The following CDH6 variants were observed in gnomAD, a reference collection of about 807,000 sequenced individuals.
CDH6 encodes cadherin 6, also known as cadherin-6.
CDH6 carries 31 observed loss-of-function variants against 78.0 expected under a neutral mutation model. That is an observed-to-expected ratio of 0.40 (90% CI 0.30 to 0.54). The LOEUF (loss-of-function observed/expected upper bound fraction) is 0.54. Among genes scored for constraint, CDH6 ranks in the 20% least tolerant of loss-of-function variants. The pLI is 0.56. For synonymous variants in CDH6, 376 were observed against 368.8 expected, an observed-to-expected ratio of 1.02 and a Z score of -0.23; for missense variants, 724 against 975.9, an observed-to-expected ratio of 0.74 and a Z score of 3.44.
At chr5:31,292,915 G>A (rs1258064350) in intron 2 of CDH6, among the ~76,000 whole-genome samples, 1 of 147,922 alleles carries the variant, frequency 6.8e-6, no homozygotes, top group Non-Finnish European at 1.5e-5. Flanking sequence ...CCTATAGTTA[G>A]GTCTAGGTAC....
intron 2 of CDH6, among the ~76,000 whole-genome samples, chr5:31,290,031 C>G (rs1743114074): frequency 6.6e-6 from 1 of 151,796 alleles, no homozygotes; most frequent in Admixed American, 6.6e-5. Flanking sequence ...CCAAGGCGGA[C>G]AGATCACTTG....
At chr5:31,257,985 A>G (rs1742101722) in intron 1 of CDH6, among the ~76,000 whole-genome samples, 1 of 152,124 alleles carries the variant, frequency 6.6e-6, no homozygotes, top group Non-Finnish European at 1.5e-5. Flanking sequence ...AGTCCCTCTA[A>G]GTCTGTGTTT....
chr5:31,265,883 T>C (rs760963282), intron 1 of CDH6, among the ~76,000 whole-genome samples: 19 of 148,386 alleles, frequency 1.3e-4, no homozygotes, highest in Non-Finnish European at 2.7e-4. Flanking sequence ...CACGCCATTC[T>C]CCTGCCTCAG....
At chr5:31,320,181 A>T (rs185112816) in intron 11 of CDH6, among the ~76,000 whole-genome samples, 1 of 152,324 alleles carries the variant, frequency 6.6e-6, no homozygotes, top group African/African-American at 2.4e-5. Flanking sequence ...TTCACTTTAT[A>T]AAAGTTAGCT....
At chr5:31,296,049 G>A (rs1737584574) in intron 3 of CDH6, among the ~76,000 whole-genome samples, 1 of 152,098 alleles carries the variant, frequency 6.6e-6, no homozygotes, top group South Asian at 2.1e-4. Flanking sequence ...TCTGTTTTGT[G>A]CATCAGCACT....
In CDH6 at chr5:31,325,935, A is replaced by C. The variant is rs1738615971; in HGVS notation, c.*2627A>C. The C allele has an allele frequency of 8.6e-6, 2 of 232,220 alleles. No homozygotes were observed. Among genetic ancestry groups the C allele is most frequent in the Non-Finnish European group, 1.7e-5 (2 of 117,522 alleles). The allele number at this position is 232,220 out of a possible 1,614,324, so 14.4% of individuals were successfully genotyped here. On this transcript the variant is annotated 3_prime_UTR_variant, in exon 12 of 12. Transcript: ENST00000265071. ...TCTTTGACATCGTGGAACCAATAAG[A>C]GTCATAGTTCCATCATTCTCCAGCT...
At chr5:31,248,687 G>A (rs1033876714) in intron 1 of CDH6, among the ~76,000 whole-genome samples, 2 of 151,860 alleles carry the variant, frequency 1.3e-5, no homozygotes, top group African/African-American at 4.8e-5. Context: ...GCAATATTAA[G>A]AAATATCCAC....
chr5:31,200,684 G>A (rs1019080260), intron 1 of CDH6, among the ~76,000 whole-genome samples: 3 of 151,332 alleles, frequency 2.0e-5, no homozygotes, highest in Admixed American at 6.6e-5. Flanking sequence ...GAAAGGGAGG[G>A]AAGTTGGGAG....
chr5:31,199,685 G>GTGTATA (rs796740950), intron 1 of CDH6, among the ~76,000 whole-genome samples: 4,044 of 79,628 alleles, frequency 0.051, 166 homozygotes, highest in Middle Eastern at 0.088. Flanking sequence ...GTGTGTGTGT[G>GTGTATA]TATATATATA....
intron 1 of CDH6, among the ~76,000 whole-genome samples, chr5:31,204,678 T>A (rs1740464622): frequency 6.6e-6 from 1 of 152,200 alleles, no homozygotes; most frequent in Non-Finnish European, 1.5e-5. Context: ...TTTCTTTGTA[T>A]GATAATCTTT....
chr5:31,262,247 C>T (rs1742229499), intron 1 of CDH6, among the ~76,000 whole-genome samples: 1 of 152,322 alleles, frequency 6.6e-6, no homozygotes, highest in Admixed American at 6.5e-5. Flanking sequence ...TGCATATTGG[C>T]TGCCAGGCAA....
At chr5:31,245,082 C>CTCT (rs1741705974) in intron 1 of CDH6, among the ~76,000 whole-genome samples, 1 of 152,204 alleles carries the variant, frequency 6.6e-6, no homozygotes, top group Non-Finnish European at 1.5e-5. Context: ...AGAACCACAT[C>CTCT]TCTTGCCCCA....
chr5:31,252,413 A>G (rs1455549042), intron 1 of CDH6, among the ~76,000 whole-genome samples: 1 of 152,078 alleles, frequency 6.6e-6, no homozygotes, highest in Non-Finnish European at 1.5e-5. Context: ...TGTGGAAAAA[A>G]TAAACAGCTT....
chr5:31,211,882 GTTGT>G (rs542486982), intron 1 of CDH6, among the ~76,000 whole-genome samples: 5 of 152,162 alleles, frequency 3.3e-5, no homozygotes, highest in Non-Finnish European at 7.3e-5. Flanking sequence ...GGGTTTTGCT[GTTGT>G]TTGTTTGTTT....
chr5:31,299,344 A>G, intron 4 of CDH6, 120 bp from the exon 5 acceptor site: 1 of 711,594 alleles, frequency 1.4e-6, no homozygotes, highest in Non-Finnish European at 2.4e-6. Context: ...TTATGTCACC[A>G]TGACATCTGC....
At chr5:31,237,877 T>C (rs554288581) in intron 1 of CDH6, among the ~76,000 whole-genome samples, 16 of 152,356 alleles carry the variant, frequency 1.1e-4, no homozygotes, top group African/African-American at 3.8e-4. Flanking sequence ...TTGCAAACTC[T>C]GGAGTCAGTT....
At chr5:31,200,674 G>A (rs765989814) in intron 1 of CDH6, among the ~76,000 whole-genome samples, 2 of 151,178 alleles carry the variant, frequency 1.3e-5, no homozygotes, top group African/African-American at 4.9e-5. Context: ...GAGGAAAGGA[G>A]AAAGGGAGGG....
rs1738204028 is a variant in CDH6 at position 31,313,224 on chromosome 5, G to A, written c.1254-94G>A. 6 of 1,115,122 alleles carry A rather than the reference G, an allele frequency of 5.4e-6. No homozygotes were observed. The South Asian group carries it at 8.4e-5, about 16-fold the overall frequency. The allele number at this position is 1,115,122 out of a possible 1,614,324, so 69.1% of individuals were successfully genotyped here. A position where few individuals can be genotyped will look rare whatever the true frequency, so the allele number is the denominator to read the frequency against. On this transcript the variant is annotated intron_variant, in intron 7 of 11. Coordinates refer to ENST00000265071, the MANE Select transcript of CDH6 (RefSeq NM_004932.4). ...AAAATTTATGCCACAGATACTCTGG[G>A]ATATGATGTGTACCAGATGTTTTAT...
intron 8 of CDH6, among the ~76,000 whole-genome samples, chr5:31,316,003 T>A (rs1433026425): frequency 6.6e-6 from 1 of 152,202 alleles, no homozygotes; most frequent in Non-Finnish European, 1.5e-5. Flanking sequence ...GTCACCCATG[T>A]ATCTCTAACA....
Sources: allele counts gnomAD v4.1 joint callset (sites outside exome capture counted in the v4.1 genomes callset), GRCh38; gene constraint gnomAD v4.1.1; transcripts MANE v1.5; gene names NCBI Gene and HGNC (gene_info 2026-07-23, HGNC 2026-07-21).